GSG1L: variants seen among roughly 807,000 people sequenced by gnomAD.
GSG1L encodes the protein GSG1 like.
In GSG1L, 24 loss-of-function variants were observed where a neutral mutation model predicts 42.1. The ratio of observed to expected loss-of-function variants is 0.57; its 90% CI spans 0.41 to 0.80. The LOEUF (loss-of-function observed/expected upper bound fraction) is 0.80. Ranked by LOEUF, GSG1L falls within the 30% of genes least tolerant of loss-of-function variation. The pLI, the probability that GSG1L is intolerant of heterozygous loss-of-function variation, is 0.00. For synonymous variants in GSG1L, 215 were observed against 203.5 expected (o/e 1.06, Z -0.48); for missense variants, 445 against 472.2 (o/e 0.94, Z 0.53).
At chr16:27,895,033 C>T (rs969055728) in intron 2 of GSG1L, among the ~76,000 whole-genome samples, 17 of 152,136 alleles carry the variant, frequency 1.1e-4, no homozygotes, top group Non-Finnish European at 1.9e-4. Context: ...CTACAAACCT[C>T]GGGAAGGTCC....
chr16:27,877,179 G>T (rs1016985258), intron 3 of GSG1L, among the ~76,000 whole-genome samples: 2 of 152,088 alleles, frequency 1.3e-5, no homozygotes, highest in Non-Finnish European at 2.9e-5. Flanking sequence ...CCTCTCGACC[G>T]AAGTCACAAG....
intron 2 of GSG1L, among the ~76,000 whole-genome samples, chr16:27,925,333 T>C (rs2084577900): frequency 6.6e-6 from 1 of 151,924 alleles, no homozygotes; most frequent in African/African-American, 2.4e-5. Flanking sequence ...AGGCAGTAAG[T>C]TGTGGGGCAT....
At chr16:27,798,968 G>C (rs2082851032) in intron 6 of GSG1L, among the ~76,000 whole-genome samples, 1 of 152,148 alleles carries the variant, frequency 6.6e-6, no homozygotes, top group African/African-American at 2.4e-5. Context: ...CACAGCTCCT[G>C]AGGACTAAGT....
At chr16:27,896,947 T>G (rs1401093758) in intron 2 of GSG1L, among the ~76,000 whole-genome samples, 1 of 152,208 alleles carries the variant, frequency 6.6e-6, no homozygotes, top group African/African-American at 2.4e-5. Flanking sequence ...CACTACAACC[T>G]CCGCCACCTA....
At chr16:27,842,297 A>G (rs2083394652) in intron 4 of GSG1L, among the ~76,000 whole-genome samples, 1 of 152,248 alleles carries the variant, frequency 6.6e-6, no homozygotes, top group South Asian at 2.1e-4. Flanking sequence ...CACAGAAAGC[A>G]CATCAATGAA....
At chr16:27,992,661 G>T (rs1397062404) in intron 1 of GSG1L, among the ~76,000 whole-genome samples, 1 of 152,136 alleles carries the variant, frequency 6.6e-6, no homozygotes, top group Non-Finnish European at 1.5e-5. Context: ...CAGCCTTTGG[G>T]GATAGGTTTG....
intron 2 of GSG1L, among the ~76,000 whole-genome samples, chr16:27,945,836 T>C (rs747006420): frequency 5.3e-5 from 8 of 152,212 alleles, no homozygotes; most frequent in Non-Finnish European, 1.2e-4. Flanking sequence ...GTGTTACATC[T>C]CAGGCTTTGC....
At chr16:27,823,880 C>G in intron 5 of GSG1L, 1 of 702,984 alleles carries the variant, frequency 1.4e-6, no homozygotes, top group Non-Finnish European at 2.6e-6. Flanking sequence ...TGACCTGGGG[C>G]AAGTCGCCCT....
At chr16:27,909,356 T>TTTTC (rs1309777908) in intron 2 of GSG1L, among the ~76,000 whole-genome samples, 6 of 151,536 alleles carry the variant, frequency 4.0e-5, no homozygotes, top group African/African-American at 7.3e-5. Flanking sequence ...TTTCTTTCTT[T>TTTTC]TTTCTTTCTT....
intron 5 of GSG1L, chr16:27,823,799 G>T: frequency 1.4e-6 from 1 of 698,752 alleles, no homozygotes; most frequent in Non-Finnish European, 2.6e-6. Flanking sequence ...TCAAGCCTGA[G>T]AGGCCACACA....
intron 4 of GSG1L, among the ~76,000 whole-genome samples, chr16:27,841,362 G>A (rs561538437): frequency 2.0e-5 from 3 of 152,324 alleles, no homozygotes; most frequent in Non-Finnish European, 4.4e-5. Flanking sequence ...CTTAACCATG[G>A]AGACCTTCTA....
At chr16:27,836,991 C>A (rs571991237) in intron 4 of GSG1L, among the ~76,000 whole-genome samples, 49 of 152,072 alleles carry the variant, frequency 3.2e-4, no homozygotes, top group Non-Finnish European at 5.4e-4. Context: ...GTGGCTTTGG[C>A]GAGGTGGAGG....
rs111209374 is a variant in GSG1L at position 27,870,169 on chromosome 16, C to T, written c.550+14317G>A. 2.6e-4 allele frequency among the ~76,000 whole-genome samples: 39 copies of T among 148,328 alleles called. 2 individuals are homozygous for T. The highest frequency in any genetic ancestry group is 8.9e-4 in the African/African-American group (35 of 39,282). ...TCTCTCTTTCCTTCTCTCTCTGTCT[C>T]CCTCCCTCTCTCCTTCTCTCTCTGT... On this transcript the variant is annotated intron_variant, in intron 3 of 6. Transcript: ENST00000447459.
chr16:27,846,941 A>G (rs933542745), intron 3 of GSG1L, among the ~76,000 whole-genome samples: 2 of 128,734 alleles, frequency 1.6e-5, no homozygotes, highest in Non-Finnish European at 3.2e-5. Context: ...TGGGTGACAG[A>G]GGGAGACTCC....
chr16:27,888,351 G>A lies in GSG1L; in HGVS notation c.398-3713C>T, dbSNP rs564362505. On this transcript the variant is annotated intron_variant, in intron 2 of 6. Transcript: ENST00000447459. ...CTTAACCATGGGGAAATAGGCACGG[G>A]TACCCCGATGCCTGGCGGGGTTGTG... 7.6e-4 allele frequency among the ~76,000 whole-genome samples: 116 copies of A among 152,298 alleles called. 1 individual carries two copies. Among genetic ancestry groups the A allele is most frequent in the Middle Eastern group, 6.8e-3 (2 of 294 alleles).
intron 1 of GSG1L, among the ~76,000 whole-genome samples, chr16:28,000,111 G>T (rs2085565743): frequency 6.6e-6 from 1 of 152,228 alleles, no homozygotes; most frequent in Non-Finnish European, 1.5e-5. Context: ...CCTCAGATCT[G>T]TCTGCAGCAT....
rs950673593 is a variant in GSG1L at position 28,063,018 on chromosome 16, T to A, written c.349+58A>T. On this transcript the variant is annotated intron_variant, in intron 1 of 6. Coordinates refer to ENST00000447459, the MANE Select transcript of GSG1L (RefSeq NM_001109763.2). This position sits in a 1 kb window ranked among gnomAD's most constrained non-coding sequence, Gnocchi z 5.8. ...AACGGGTCCGGGGCTCGGGCCTCGA[T>A]GGCCGCGCCGCCCCGGGGGAGCCGG... is the stretch of plus-strand genomic sequence containing the variant. The A allele has an allele frequency of 9.8e-4, 1,291 of 1,316,142 alleles. No homozygotes were observed. The highest frequency in any genetic ancestry group is 1.2e-3 in the Non-Finnish European group (1,219 of 1,032,042). 81.5% of individuals were successfully genotyped at this position (1,316,142 alleles called of 1,614,324 possible). A position where few individuals can be genotyped will look rare whatever the true frequency, so the allele number is the denominator to read the frequency against.
chr16:27,803,068 C>A (rs1567459861), intron 6 of GSG1L, among the ~76,000 whole-genome samples: 1 of 151,992 alleles, frequency 6.6e-6, no homozygotes, highest in African/African-American at 2.4e-5. Context: ...ACAAACTGAC[C>A]CCTCCCCATA....
chr16:28,051,764 G>A (rs7200597), intron 1 of GSG1L, among the ~76,000 whole-genome samples: 53,090 of 152,094 alleles, frequency 0.35, 9,564 homozygotes, highest in Middle Eastern at 0.39. Context: ...CATGGGAGAT[G>A]GGGCAGAGAG....
Sources: gnomAD v4.1 joint callset for allele counts (sites outside exome capture counted in the v4.1 genomes callset) on GRCh38, gnomAD v4.1.1 for gene constraint, Gnocchi (gnomAD v3.1) non-coding constraint, MANE v1.5 for transcripts, NCBI Gene and HGNC (gene_info 2026-07-23, HGNC 2026-07-21) for gene names.